The following CMIP variants were observed in gnomAD, a reference collection of about 807,000 sequenced individuals.
The protein encoded by CMIP is c-Maf inducing protein, also known as C-Maf-inducing protein.
CMIP carries 13 observed loss-of-function variants against 97.3 expected under a neutral mutation model. The ratio of observed to expected loss-of-function variants is 0.13; its 90% confidence interval spans 0.09 to 0.21. The LOEUF (loss-of-function observed/expected upper bound fraction) is 0.21. Ranked by LOEUF, CMIP falls within the 10% of genes least tolerant of loss-of-function variation. The pLI, the probability that CMIP is intolerant of heterozygous loss-of-function variation, is 1.00. For synonymous variants in CMIP, 538 were observed against 436.3 expected (o/e 1.23, Z -2.91); for missense variants, 847 against 1,024.9 (o/e 0.83, Z 2.37).
intron 2 of CMIP, chr16:81,620,504 C>G (rs1049460045): frequency 4.3e-6 from 1 of 230,498 alleles, no homozygotes; most frequent in South Asian, 6.6e-5. Flanking sequence ...ACACAGGCCC[C>G]CAGCCAGCCC....
chr16:81,566,925 GA>G (rs1268447699), intron 1 of CMIP, among the ~76,000 whole-genome samples: 1 of 152,248 alleles, frequency 6.6e-6, no homozygotes, highest in African/African-American at 2.4e-5. Context: ...TTCAAGGTCA[GA>G]CAAAACTACC....
chr16:81,579,722 A>G (rs1310077692), intron 1 of CMIP, among the ~76,000 whole-genome samples: 2 of 62,948 alleles, frequency 3.2e-5, no homozygotes, highest in East Asian at 3.2e-4. Context: ...TGCCACTTAA[A>G]AAAAAATGGA....
intron 1 of CMIP, among the ~76,000 whole-genome samples, chr16:81,591,935 T>C (rs1333798596): frequency 6.6e-6 from 1 of 151,744 alleles, no homozygotes; most frequent in African/African-American, 2.4e-5. Context: ...AGTATCCTCC[T>C]GCCTCAGCCT....
intron 19 of CMIP, among the ~76,000 whole-genome samples, chr16:81,706,443 G>A (rs747095468): frequency 6.6e-6 from 1 of 152,208 alleles, no homozygotes; most frequent in South Asian, 2.1e-4. Context: ...GGCAGCGCTC[G>A]GCCAGTTTGG....
rs536084037 is a variant in CMIP at position 81,614,275 on chromosome 16, C to T, written c.426+6583C>T. Among the ~76,000 whole-genome samples the T allele has an allele frequency of 2.6e-3, 394 of 152,326 alleles. 2 individuals are homozygous for T. Among genetic ancestry groups the T allele is most frequent in the African/African-American group, 9.0e-3 (375 of 41,566 alleles). ...GTGCTGCCACAGTCACCAGCGACCACGCATTCTAGGTGGCTGGAAGCGGCA... is the reference window on the plus strand; with the variant it reads ...GTGCTGCCACAGTCACCAGCGACCATGCATTCTAGGTGGCTGGAAGCGGCA... On this transcript the variant is annotated intron_variant, in intron 2 of 20. Transcript: ENST00000537098. The surrounding 1 kb of genome is among the most constrained non-coding windows in gnomAD (Gnocchi z 5.3).
chr16:81,690,222 T>C (rs1905897200), intron 10 of CMIP, among the ~76,000 whole-genome samples: 1 of 152,226 alleles, frequency 6.6e-6, no homozygotes, highest in Non-Finnish European at 1.5e-5. Flanking sequence ...GGGGATGGCA[T>C]TGAATCTATA....
intron 1 of CMIP, among the ~76,000 whole-genome samples, chr16:81,540,293 T>A (rs962827634): frequency 1.4e-4 from 21 of 152,196 alleles, no homozygotes; most frequent in African/African-American, 5.1e-4. Context: ...CTGTGCCGCC[T>A]CTGATCCGTG....
chr16:81,670,776 G>A (rs2092676362), intron 8 of CMIP, among the ~76,000 whole-genome samples: 3 of 152,064 alleles, frequency 2.0e-5, no homozygotes, highest in Non-Finnish European at 4.4e-5. Flanking sequence ...AGAATGCTGC[G>A]GAAGTCTCGT....
At chr16:81,549,595 G>A (rs2090614103) in intron 1 of CMIP, among the ~76,000 whole-genome samples, 1 of 152,164 alleles carries the variant, frequency 6.6e-6, no homozygotes, top group South Asian at 2.1e-4. Context: ...AATGCCAGTG[G>A]TCCTGAGAGG....
At chr16:81,645,005 C>T (rs2150994706) in intron 3 of CMIP, among the ~76,000 whole-genome samples, 1 of 152,340 alleles carries the variant, frequency 6.6e-6, no homozygotes, top group African/African-American at 2.4e-5. Flanking sequence ...GATAGCACTG[C>T]CCGACGGAGC....
intron 1 of CMIP, among the ~76,000 whole-genome samples, chr16:81,587,959 A>G (rs1316148571): frequency 6.6e-6 from 1 of 152,216 alleles, no homozygotes; most frequent in Non-Finnish European, 1.5e-5. Context: ...CCCCCAGGCC[A>G]GCGCTGAGGC....
chr16:81,683,243 C>T (rs548174789), intron 10 of CMIP, among the ~76,000 whole-genome samples: 1 of 152,230 alleles, frequency 6.6e-6, no homozygotes, highest in Non-Finnish European at 1.5e-5. Flanking sequence ...CCGTGGCCCA[C>T]TGGGGCCACA....
At chr16:81,538,440 T>C (rs2090388039) in intron 1 of CMIP, among the ~76,000 whole-genome samples, 1 of 152,234 alleles carries the variant, frequency 6.6e-6, no homozygotes, top group African/African-American at 2.4e-5. Context: ...GTGAATGTGC[T>C]GTGGGTTAGC....
intron 1 of CMIP, among the ~76,000 whole-genome samples, chr16:81,571,014 A>G (rs1262683141): frequency 6.6e-6 from 1 of 152,190 alleles, no homozygotes; most frequent in Non-Finnish European, 1.5e-5. Flanking sequence ...TTTAGCAATA[A>G]AATGTTTTAA....
chr16:81,458,511 T>C (rs1354117577), intron 1 of CMIP, among the ~76,000 whole-genome samples: 1 of 152,152 alleles, frequency 6.6e-6, no homozygotes, highest in Non-Finnish European at 1.5e-5. Context: ...CACTGGGTGC[T>C]CCTGCGTAGG....
intron 10 of CMIP, among the ~76,000 whole-genome samples, chr16:81,680,318 G>A (rs1904743657): frequency 6.6e-6 from 1 of 152,244 alleles, no homozygotes; most frequent in South Asian, 2.1e-4. Context: ...ACAGAGGGCA[G>A]CTTCTGAGGG....
intron 16 of CMIP, 79 bp downstream of exon 16, chr16:81,701,879 A>C (rs2151097866): frequency 1.3e-6 from 2 of 1,561,386 alleles, no homozygotes; most frequent in East Asian, 2.2e-5. Flanking sequence ...GGCAGCTAGT[A>C]CTTGGACCTG....
intron 3 of CMIP, among the ~76,000 whole-genome samples, chr16:81,623,271 G>T (rs1402626782): frequency 6.6e-6 from 1 of 152,202 alleles, no homozygotes; most frequent in Non-Finnish European, 1.5e-5. Flanking sequence ...CCAGAACTGG[G>T]ATCACTGTGT....
intron 1 of CMIP, among the ~76,000 whole-genome samples, chr16:81,472,821 G>A (rs1472698290): frequency 6.6e-6 from 1 of 152,186 alleles, no homozygotes; most frequent in Admixed American, 6.5e-5. Context: ...TGTGGAGGCT[G>A]GAGGGACATC....
Sources: gnomAD v4.1 joint callset for allele counts (sites outside exome capture counted in the v4.1 genomes callset) on GRCh38, gnomAD v4.1.1 for gene constraint, Gnocchi (gnomAD v3.1) non-coding constraint, MANE v1.5 for transcripts, NCBI Gene and HGNC (gene_info 2026-07-23, HGNC 2026-07-21) for gene names.